KCNN2: variants seen among roughly 807,000 people sequenced by gnomAD.
KCNN2 encodes the protein small conductance calcium-activated potassium channel protein 2.
Under a neutral mutation model 55.5 loss-of-function variants are expected in KCNN2, and 24 were observed. The observed-to-expected ratio is 0.43, with a 90% CI of 0.31 to 0.61. The LOEUF (loss-of-function observed/expected upper bound fraction) is 0.61, where lower values mean the gene tolerates loss of function less well. Among genes scored for constraint, KCNN2 ranks in the 20% least tolerant of loss-of-function variants. The probability of loss-of-function intolerance (pLI) is 0.08; values close to 1 mark genes in which losing one functional copy is unlikely to be tolerated. For missense variants in KCNN2, 754 were observed against 853.6 expected, an observed-to-expected ratio of 0.88 and a Z score of 1.45; for synonymous variants, 431 against 336.1, an observed-to-expected ratio of 1.28 and a Z score of -3.09.
intron 1 of KCNN2, among the ~76,000 whole-genome samples, chr5:114,083,564 A>T (rs1750946985): frequency 6.6e-6 from 1 of 152,146 alleles, no homozygotes. Flanking sequence ...TTAGGTTTAC[A>T]GGAAATTCAG....
At chr5:114,435,550 C>T (rs1759974361) in intron 3 of KCNN2, among the ~76,000 whole-genome samples, 1 of 151,698 alleles carries the variant, frequency 6.6e-6, no homozygotes, top group African/African-American at 2.4e-5. Flanking sequence ...CTTTTGAAAG[C>T]AGGAGAAAAT....
intron 1 of KCNN2, among the ~76,000 whole-genome samples, chr5:114,195,712 A>G (rs952572649): frequency 3.3e-5 from 5 of 152,028 alleles, no homozygotes; most frequent in African/African-American, 1.2e-4. Flanking sequence ...CACCTCCAGT[A>G]AAAGGATGAA....
At chr5:114,370,770 G>A (rs1165422787) in intron 2 of KCNN2, among the ~76,000 whole-genome samples, 1 of 152,010 alleles carries the variant, frequency 6.6e-6, no homozygotes, top group East Asian at 1.9e-4. Context: ...GGGATAAAGG[G>A]GCCTGATTTT....
At chr5:114,403,134 A>G (rs1001252215) in intron 2 of KCNN2, among the ~76,000 whole-genome samples, 1 of 152,084 alleles carries the variant, frequency 6.6e-6, no homozygotes, top group Admixed American at 6.6e-5. Context: ...CTGAGTTTGT[A>G]TTGTTGTCCA....
chr5:114,368,556 A>G (rs1200233723), intron 2 of KCNN2, among the ~76,000 whole-genome samples: 7 of 152,204 alleles, frequency 4.6e-5, no homozygotes, highest in Admixed American at 4.6e-4. Context: ...AAGAAGAAAG[A>G]CAGAGTGTTC....
chr5:114,304,410 C>A (rs1756227551), intron 2 of KCNN2, among the ~76,000 whole-genome samples: 2 of 152,136 alleles, frequency 1.3e-5, no homozygotes, highest in African/African-American at 4.8e-5. Context: ...TTTTGCAGTG[C>A]AGTTGATTGC....
intron 1 of KCNN2, among the ~76,000 whole-genome samples, chr5:114,120,022 G>A (rs1196124289): frequency 6.6e-6 from 1 of 151,936 alleles, no homozygotes; most frequent in Non-Finnish European, 1.5e-5. Flanking sequence ...CTCAGTAAAG[G>A]GCATATAAGA....
chr5:114,472,660 A>G (rs1761803021), intron 4 of KCNN2, among the ~76,000 whole-genome samples: 1 of 152,156 alleles, frequency 6.6e-6, no homozygotes, highest in East Asian at 1.9e-4. Context: ...TTTATTCTGT[A>G]TGGAAAAATC....
intron 2 of KCNN2, among the ~76,000 whole-genome samples, chr5:114,337,734 TTGAATTTTACCC>T (rs1166946892): frequency 6.6e-6 from 1 of 152,170 alleles, no homozygotes; most frequent in Non-Finnish European, 1.5e-5. Context: ...TTGGCTCATA[TTGAATTTTACCC>T]TGAATTTTAC....
At chr5:114,483,133 A>G (rs966322579) in intron 5 of KCNN2, among the ~76,000 whole-genome samples, 1 of 151,954 alleles carries the variant, frequency 6.6e-6, no homozygotes, top group Non-Finnish European at 1.5e-5. Flanking sequence ...GTATCTTACT[A>G]CCCATGGTTT....
intron 2 of KCNN2, among the ~76,000 whole-genome samples, chr5:114,319,578 G>A (rs568686813): frequency 2.4e-4 from 37 of 152,146 alleles, no homozygotes; most frequent in African/African-American, 7.7e-4. Context: ...GAAAATCATT[G>A]TTTTATATGT....
At chr5:114,340,804 A>G (rs1027059680) in intron 2 of KCNN2, among the ~76,000 whole-genome samples, 1 of 152,056 alleles carries the variant, frequency 6.6e-6, no homozygotes, top group Non-Finnish European at 1.5e-5. Context: ...TCATCCTGCA[A>G]ACTGAACCTT....
At chr5:114,350,385 T>C (rs636200) in intron 2 of KCNN2, among the ~76,000 whole-genome samples, 67,314 of 151,376 alleles carry the variant, frequency 0.44, 15,571 homozygotes, top group East Asian at 0.86. Context: ...CTATGATTTG[T>C]AAATATTTTC....
At chr5:114,325,491 A>C (rs1340265049) in intron 2 of KCNN2, among the ~76,000 whole-genome samples, 1 of 152,238 alleles carries the variant, frequency 6.6e-6, no homozygotes, top group East Asian at 1.9e-4. Flanking sequence ...AAGAGTATTC[A>C]ATCACACAAA....
At chr5:114,268,517 C>T (rs574493167) in intron 2 of KCNN2, among the ~76,000 whole-genome samples, 1 of 152,346 alleles carries the variant, frequency 6.6e-6, no homozygotes, top group East Asian at 1.9e-4. Flanking sequence ...CAAATACCAA[C>T]TGACTCCTTT....
At chr5:114,118,602 A>G (rs1281564829) in intron 1 of KCNN2, among the ~76,000 whole-genome samples, 1 of 151,944 alleles carries the variant, frequency 6.6e-6, no homozygotes, top group Non-Finnish European at 1.5e-5. Context: ...CTGTGACTGA[A>G]TGATGCCCAC....
intron 2 of KCNN2, among the ~76,000 whole-genome samples, chr5:114,376,459 C>T (rs1757949528): frequency 6.6e-6 from 1 of 152,114 alleles, no homozygotes; most frequent in Non-Finnish European, 1.5e-5. Flanking sequence ...GAAGCCTCAC[C>T]TTCAAAACTC....
At chr5:114,364,766 TA>T (rs1757552678) in intron 2 of KCNN2, among the ~76,000 whole-genome samples, 2 of 152,150 alleles carry the variant, frequency 1.3e-5, no homozygotes. Context: ...GCTTTTAAAT[TA>T]AAATAAGTAT....
chr5:114,350,591 A>C (rs756431115), intron 2 of KCNN2, among the ~76,000 whole-genome samples: 10 of 151,874 alleles, frequency 6.6e-5, no homozygotes, highest in Non-Finnish European at 1.2e-4. Flanking sequence ...AGTTTATTCC[A>C]TACATTTAGG....
Sources: allele counts gnomAD v4.1 joint callset (sites outside exome capture counted in the v4.1 genomes callset), GRCh38; gene constraint gnomAD v4.1.1; transcripts MANE v1.5; gene names NCBI Gene and HGNC (gene_info 2026-07-23, HGNC 2026-07-21).